The following PTGER3 variants were observed in gnomAD, a reference collection of about 807,000 sequenced individuals.
PTGER3 encodes prostaglandin E receptor 3.
Under a neutral mutation model 34.7 loss-of-function variants are expected in PTGER3, and 22 were observed. The observed-to-expected ratio is 0.63, with a 90% confidence interval of 0.45 to 0.91. The LOEUF (loss-of-function observed/expected upper bound fraction) is 0.91. Ranked by LOEUF, PTGER3 falls within the 40% of genes least tolerant of loss-of-function variation. The pLI is 0.00. For synonymous variants in PTGER3, 241 were observed against 230.1 expected (o/e 1.05, Z -0.43); for missense variants, 468 against 519.4 (o/e 0.90, Z 0.96).
chr1:70,958,562 T>C (rs760432808), intron 2 of PTGER3, among the ~76,000 whole-genome samples: 3 of 152,222 alleles, frequency 2.0e-5, no homozygotes, highest in Non-Finnish European at 4.4e-5. Flanking sequence ...GAGTTTTTTA[T>C]ATAATCAGGG....
At position 70,974,301 on chromosome 1, in the gene PTGER3, C is replaced by G; in HGVS notation, c.1165G>C (p.Glu389Gln). ...CCGGCAGTTTCTAAATCTCACCTTT[C>G]CAAATGGTCGCTCCACATCAAGGTT... ...SSTLMWSDHLER is the reference protein window; with the variant it reads ...SSTLMWSDHLQR The change falls in exon 3 of 4, where the codon GAA (glutamate) becomes CAA (glutamine). Residue 389 changes from glutamate (E) to glutamine (Q), a missense_variant. Transcript: ENST00000306666. 1 of 1,606,910 alleles carries G rather than the reference C, an allele frequency of 6.2e-7. No individual in the cohort carries two copies. Among genetic ancestry groups the G allele is most frequent in the Non-Finnish European group, 8.5e-7 (1 of 1,173,720 alleles).
chr1:70,907,277 G>C (rs546194323), intron 4 of PTGER3, among the ~76,000 whole-genome samples: 9 of 152,310 alleles, frequency 5.9e-5, no homozygotes, highest in African/African-American at 2.2e-4. Flanking sequence ...TGGGTTACAG[G>C]ATGAAGGGCA....
At chr1:70,889,937 C>T in intron 4 of PTGER3, among the ~76,000 whole-genome samples, 1 of 151,898 alleles carries the variant, frequency 6.6e-6, no homozygotes, top group East Asian at 1.9e-4. Context: ...CTTTTCCTGT[C>T]CTTCATCTCC....
chr1:70,946,750 C>T (rs973813933), intron 4 of PTGER3, among the ~76,000 whole-genome samples: 6 of 152,138 alleles, frequency 3.9e-5, no homozygotes, highest in African/African-American at 1.4e-4. Flanking sequence ...CTATTTGACA[C>T]TTCTATTTCC....
chr1:71,010,910 TTAC>T (rs1657384154), intron 2 of PTGER3: 1 of 984,996 alleles, frequency 1.0e-6, no homozygotes, highest in Admixed American at 6.2e-5. Context: ...AAATATGCAG[TTAC>T]TACAAGAAGT....
intron 3 of PTGER3, among the ~76,000 whole-genome samples, chr1:70,973,907 G>T (rs11587601): frequency 3.9e-5 from 6 of 151,912 alleles, no homozygotes; most frequent in Non-Finnish European, 7.4e-5. Flanking sequence ...TCAAAAATGC[G>T]ACTGAGAGTG....
At chr1:70,935,672 A>ATAT (rs59431299) in intron 4 of PTGER3, among the ~76,000 whole-genome samples, 12,890 of 140,002 alleles carry the variant, frequency 0.092, 763 homozygotes, top group African/African-American at 0.16. Context: ...TACAAATATA[A>ATAT]ATATATATAT....
At chr1:70,931,271 G>GC (rs757911968) in intron 4 of PTGER3, among the ~76,000 whole-genome samples, 17 of 152,310 alleles carry the variant, frequency 1.1e-4, no homozygotes, top group Admixed American at 4.6e-4. Flanking sequence ...GCAGGGTACA[G>GC]CCCCCCTTCT....
At chr1:70,866,311 C>T (rs1397421106) in intron 4 of PTGER3, among the ~76,000 whole-genome samples, 3 of 152,168 alleles carry the variant, frequency 2.0e-5, no homozygotes, top group Non-Finnish European at 2.9e-5. Flanking sequence ...CACAGACTTA[C>T]TTTCAGTTTT....
chr1:70,952,832 G>T, exon 4 of PTGER3: 1 of 1,448,988 alleles, frequency 6.9e-7, no homozygotes, highest in East Asian at 2.5e-5. Flanking sequence ...AAATAAGCAG[G>T]GATTAGAGTC....
chr1:70,908,878 T>C (rs1348167563), intron 4 of PTGER3, among the ~76,000 whole-genome samples: 3 of 152,214 alleles, frequency 2.0e-5, no homozygotes, highest in Admixed American at 2.0e-4. Context: ...GAAAGCCCTA[T>C]GCAATTACAA....
At position 70,971,603 on chromosome 1, in the gene PTGER3, A is replaced by T; in HGVS notation, c.*127T>A. 7.3e-7 allele frequency: 1 copy of T among 1,371,626 alleles called. No individual in the cohort carries two copies. The highest frequency in any genetic ancestry group is 9.5e-7 in the Non-Finnish European group (1 of 1,056,882). The allele number at this position is 1,371,626 out of a possible 1,614,324, so 85.0% of individuals were successfully genotyped here. Reference sequence around the variant, plus strand: ...GGGTATTACTGACAAAACAATCATTAAAATAAAAAGATAAAAATGAAGAAA... The same window carrying T: ...GGGTATTACTGACAAAACAATCATTTAAATAAAAAGATAAAAATGAAGAAA... On this transcript the variant is annotated 3_prime_UTR_variant, in exon 4 of 4. Coordinates refer to ENST00000306666, the MANE Select transcript of PTGER3 (RefSeq NM_198719.2).
intron 4 of PTGER3, among the ~76,000 whole-genome samples, chr1:70,901,877 GA>G (rs1483272289): frequency 1.3e-5 from 2 of 152,100 alleles, no homozygotes; most frequent in South Asian, 4.1e-4. Flanking sequence ...GGAAAGTAAA[GA>G]GAAAAACCAG....
intron 2 of PTGER3, among the ~76,000 whole-genome samples, chr1:70,956,142 G>C (rs188837141): frequency 6.6e-6 from 1 of 152,218 alleles, no homozygotes; most frequent in East Asian, 1.9e-4. Flanking sequence ...TTGTTAAGTG[G>C]ATCATACGAA....
chr1:70,969,300 A>G (rs1020578211), downstream of PTGER3, among the ~76,000 whole-genome samples: 5 of 152,214 alleles, frequency 3.3e-5, no homozygotes, highest in Admixed American at 3.3e-4. Flanking sequence ...ACGTGAAATG[A>G]CAACAACCAC....
chr1:70,967,469 G>T (rs988016175), downstream of PTGER3, among the ~76,000 whole-genome samples: 13 of 151,728 alleles, frequency 8.6e-5, no homozygotes, highest in African/African-American at 2.9e-4. Flanking sequence ...TTACCTTAAA[G>T]TAAAAAAAAT....
rs1239283394 is a variant in PTGER3 at position 70,924,904 on chromosome 1, G to A, written c.*23+28859C>T. Reference sequence around the variant, plus strand: ...CCTGTCCTCTTTCCTGTAACAATATGGCTAGCCAAAGATGAACTGAGACAA... The same window carrying A: ...CCTGTCCTCTTTCCTGTAACAATATAGCTAGCCAAAGATGAACTGAGACAA... On this transcript the variant is annotated intron_variant, in intron 4 of 4. Transcript: ENST00000370931. Among the ~76,000 whole-genome samples the A allele has an allele frequency of 2.0e-5, 3 of 152,120 alleles. No homozygotes were observed. In the East Asian group the frequency reaches 5.8e-4, roughly 29 times the overall value.
chr1:70,853,943 C>G (rs1034586409), intron 4 of PTGER3, among the ~76,000 whole-genome samples: 20 of 152,036 alleles, frequency 1.3e-4, no homozygotes, highest in African/African-American at 4.6e-4. Context: ...GAAGTCGGAT[C>G]CTTACTTTAC....
intron 1 of PTGER3, among the ~76,000 whole-genome samples, chr1:71,043,308 C>T (rs1660471465): frequency 1.3e-5 from 2 of 152,306 alleles, no homozygotes; most frequent in East Asian, 3.9e-4. Flanking sequence ...TAATTTCCCA[C>T]TGTACTCTCT....
Sources: gnomAD v4.1 joint callset for allele counts (sites outside exome capture counted in the v4.1 genomes callset) on GRCh38, gnomAD v4.1.1 for gene constraint, MANE v1.5 for transcripts, NCBI Gene and HGNC (gene_info 2026-07-23, HGNC 2026-07-21) for gene names.